The following CARM1 variants were observed in gnomAD, a reference collection of about 807,000 sequenced individuals.
The protein encoded by CARM1 is histone-arginine methyltransferase CARM1.
In CARM1, 14 loss-of-function variants were observed where a neutral mutation model predicts 72.7. The ratio of observed to expected loss-of-function variants is 0.19; its 90% confidence interval spans 0.13 to 0.30. CARM1 has a LOEUF of 0.30. Ranked by LOEUF, CARM1 falls within the 10% of genes least tolerant of loss-of-function variation. CARM1 has a pLI of 1.00. For synonymous variants in CARM1, 333 were observed against 345.5 expected, an observed-to-expected ratio of 0.96 and a Z score of 0.40; for missense variants, 432 against 833.7, an observed-to-expected ratio of 0.52 and a Z score of 5.93.
intron 1 of CARM1, among the ~76,000 whole-genome samples, chr19:10,892,373 C>T (rs1363907850): frequency 1.3e-5 from 2 of 152,214 alleles, no homozygotes; most frequent in African/African-American, 2.4e-5. Context: ...CACCCAGCTC[C>T]GGTGCTGGAG....
intron 1 of CARM1, among the ~76,000 whole-genome samples, chr19:10,890,277 T>G (rs1204310498): frequency 6.6e-6 from 1 of 150,880 alleles, no homozygotes; most frequent in African/African-American, 2.4e-5. Flanking sequence ...TTGTTTTTTT[T>G]TTTTTTTGAG....
rs753002802 is a variant in CARM1, at chr19:10,921,749, G to A, written c.1819G>A (p.Gly607Arg). The A allele has an allele frequency of 5.6e-6, 9 of 1,596,668 alleles. No homozygotes were observed. The highest frequency in any genetic ancestry group is 2.2e-5 in the South Asian group (2 of 89,916). ...MSIPTNTMHY[G>R]S The stretch of plus-strand genomic sequence containing the variant: ...CATCCCGACCAACACCATGCACTAC[G>A]GGAGCTAGGGGCCCGCCCCGCGGAC... Residue 607 changes from glycine to arginine, a missense_variant, in exon 16 of 16, where the codon GGG becomes AGG. Gly to Arg is a moderately radical substitution (Grantham distance 125, BLOSUM62 -2). Transcript: ENST00000327064.
chr19:10,905,435 A>G (rs1302207529), intron 2 of CARM1, among the ~76,000 whole-genome samples: 2 of 152,104 alleles, frequency 1.3e-5, no homozygotes, highest in Non-Finnish European at 2.9e-5. Context: ...TAGAGGCAGG[A>G]AGAGTTTGCT....
At chr19:10,892,669 C>T (rs766074271) in intron 1 of CARM1, among the ~76,000 whole-genome samples, 106 of 151,600 alleles carry the variant, frequency 7.0e-4, no homozygotes, top group Non-Finnish European at 1.1e-3. Flanking sequence ...CCAGCTCCCT[C>T]CATTACCTAG....
At chr19:10,917,171 T>C (rs898387050) in intron 8 of CARM1, among the ~76,000 whole-genome samples, 2 of 152,098 alleles carry the variant, frequency 1.3e-5, no homozygotes, top group African/African-American at 4.8e-5. Flanking sequence ...TTTTGATACA[T>C]AGATCCATGA....
rs375153302 is a variant in CARM1, at chr19:10,895,846, G to T, written c.221-9105G>T. ...AATAATGAGCTGCCAGGCAGTGAGG[G>T]CTTGTCCGGGAAATGCTGGAGGACC... is the stretch of plus-strand genomic sequence containing the variant. On this transcript the variant is annotated intron_variant, in intron 1 of 15. Coordinates refer to ENST00000327064, the MANE Select transcript of CARM1 (RefSeq NM_199141.2). Among the ~76,000 whole-genome samples the T allele has an allele frequency of 8.2e-4, 125 of 152,324 alleles. 2 individuals carry two copies. In the South Asian group the frequency reaches 0.025, roughly 30 times the overall value.
At chr19:10,905,644 C>G (rs2074097440) in intron 2 of CARM1, among the ~76,000 whole-genome samples, 1 of 152,148 alleles carries the variant, frequency 6.6e-6, no homozygotes, top group South Asian at 2.1e-4. Flanking sequence ...GAAGTGAGTC[C>G]AGTGGTTGAC....
At position 10,871,640 on chromosome 19, in the gene CARM1, A is replaced by AGCGGCGGCGGCG. The variant is rs1241679236; in HGVS notation, c.-52_-51insGGCGGCGGCGGC. ...CGGCGGCGGCGGCGGCGGCGGCGGC[A>AGCGGCGGCGGCG]GCGGCGGCGGCCTGGGCCCGGGCGC... is the stretch of plus-strand genomic sequence containing the variant. On this transcript the variant is annotated 5_prime_UTR_variant, in exon 1 of 16. Coordinates refer to ENST00000327064, the MANE Select transcript of CARM1 (RefSeq NM_199141.2). This position sits in a 1 kb window ranked among gnomAD's most constrained non-coding sequence, Gnocchi z 5.6. 7.0e-6 allele frequency: 1 copy of AGCGGCGGCGGCG among 143,036 alleles called. No individual in the cohort carries two copies. The highest frequency in any genetic ancestry group is 1.1e-5 in the Non-Finnish European group (1 of 88,028). 8.9% of individuals were successfully genotyped at this position (143,036 alleles called of 1,614,324 possible).
intron 4 of CARM1, among the ~76,000 whole-genome samples, chr19:10,911,063 G>A (rs1302965857): frequency 3.3e-5 from 5 of 151,828 alleles, no homozygotes; most frequent in Non-Finnish European, 7.4e-5. Flanking sequence ...GCTAATTTTT[G>A]TATTTTTAGT....
At chr19:10,907,812 A>G (rs2074115922) in intron 2 of CARM1, among the ~76,000 whole-genome samples, 1 of 152,178 alleles carries the variant, frequency 6.6e-6, no homozygotes, top group African/African-American at 2.4e-5. Context: ...GCAGCCCCAC[A>G]TGCAGGCTAC....
rs2074121010 is a variant in CARM1, at chr19:10,908,430, A to C, written c.453+285A>C. On this transcript the variant is annotated intron_variant, in intron 3 of 15. Coordinates refer to ENST00000327064, the MANE Select transcript of CARM1 (RefSeq NM_199141.2). ...TTGTGAATAACGGTAGAGCAGTTAC[A>C]ATGCCCTGAGCGCTCCCTGCATGCC... The C allele has an allele frequency of 8.1e-6, 3 of 372,308 alleles. No individual in the cohort carries two copies. The East Asian group carries it at 1.6e-4, about 20-fold the overall frequency. 23.1% of individuals were successfully genotyped at this position (372,308 alleles called of 1,614,324 possible). A position where few individuals can be genotyped will look rare whatever the true frequency, so the allele number is the denominator to read the frequency against.
chr19:10,917,290 A>C (rs1339318255), intron 8 of CARM1, among the ~76,000 whole-genome samples: 1 of 152,026 alleles, frequency 6.6e-6, no homozygotes, highest in African/African-American at 2.4e-5. Context: ...ATTGAGACCA[A>C]CACGGTGAAA....
chr19:10,890,706 C>T (rs528646235), intron 1 of CARM1, among the ~76,000 whole-genome samples: 67 of 145,516 alleles, frequency 4.6e-4, no homozygotes, highest in African/African-American at 1.5e-3. Context: ...TATACACACA[C>T]ATATATACAC....
chr19:10,883,135 T>C (rs922883625), intron 1 of CARM1, among the ~76,000 whole-genome samples: 1 of 152,198 alleles, frequency 6.6e-6, no homozygotes, highest in Non-Finnish European at 1.5e-5. Flanking sequence ...AGCCTCACCT[T>C]GGGACCTTGT....
chr19:10,911,178 G>A (rs2074147813), intron 4 of CARM1, among the ~76,000 whole-genome samples: 1 of 152,186 alleles, frequency 6.6e-6, no homozygotes, highest in Admixed American at 6.5e-5. Context: ...GGTGTGAGCC[G>A]CCGCACCTGG....
intron 1 of CARM1, among the ~76,000 whole-genome samples, chr19:10,903,362 G>C (rs904958487): frequency 6.6e-6 from 1 of 152,124 alleles, no homozygotes; most frequent in Non-Finnish European, 1.5e-5. Context: ...AGAACACTTT[G>C]CCATATTTGC....
At chr19:10,897,341 T>TA (rs776870296) in intron 1 of CARM1, among the ~76,000 whole-genome samples, 4 of 152,168 alleles carry the variant, frequency 2.6e-5, no homozygotes, top group Non-Finnish European at 4.4e-5. Flanking sequence ...TTGTCACTCT[T>TA]ATGTCATGTG....
At chr19:10,907,979 C>T (rs1471345929) in intron 2 of CARM1, 60 bp from the exon 3 acceptor site, 1 of 1,032,238 alleles carries the variant, frequency 9.7e-7, no homozygotes, top group Non-Finnish European at 1.5e-6. Flanking sequence ...ACCTTCCCTC[C>T]CAGATGGCCA....
At chr19:10,918,925 T>A (rs1199091715) in intron 8 of CARM1, 1 of 152,244 alleles carries the variant, frequency 6.6e-6, no homozygotes, top group Non-Finnish European at 1.5e-5. Context: ...TGGATTTTAT[T>A]CGGTTTACAT....
Sources: allele counts gnomAD v4.1 joint callset (sites outside exome capture counted in the v4.1 genomes callset), GRCh38; gene constraint gnomAD v4.1.1; non-coding constraint Gnocchi (gnomAD v3.1); transcripts MANE v1.5; gene names NCBI Gene and HGNC (gene_info 2026-07-23, HGNC 2026-07-21).